Variants in DIP2C observed in about 807,000 individuals in gnomAD.
The protein encoded by DIP2C is DIP2 acetate--CoA ligase C (putative), also known as disco-interacting protein 2 homolog C.
A neutral mutation model predicts 192.4 loss-of-function variants in DIP2C; 33 were observed. That is an observed-to-expected ratio of 0.17 (90% CI 0.13 to 0.23). The LOEUF is 0.23. DIP2C is among the 10% of genes least tolerant of loss of function. The pLI is 1.00. For missense variants in DIP2C, 1,537 were observed against 2,110.1 expected (o/e 0.73, Z 5.32); for synonymous variants, 979 against 864.1 (o/e 1.13, Z -2.33).
At chr10:361,761 G>C (rs992892920) in intron 22 of DIP2C, among the ~76,000 whole-genome samples, 2 of 152,230 alleles carry the variant, frequency 1.3e-5, no homozygotes, top group East Asian at 1.9e-4. Context: ...TTTACGTCCC[G>C]AGGCGGCAGA....
At chr10:610,138 CCA>C (rs372510951) in intron 1 of DIP2C, among the ~76,000 whole-genome samples, 135 of 152,304 alleles carry the variant, frequency 8.9e-4, no homozygotes, top group South Asian at 6.4e-3. Flanking sequence ...CAGTACTCCA[CCA>C]CACAGAGGAG....
rs547993963 is a variant in DIP2C at position 422,740 on chromosome 10, C to T, written c.604+84G>A. On this transcript the variant is annotated intron_variant, in intron 5 of 36. Transcript: ENST00000280886. ...CTGTGCTCTTTCCACCGAGGGATTC[C>T]GCTGCAACGATGCAAACAGAGAATG... 100 of 1,479,602 alleles carry T rather than the reference C, an allele frequency of 6.8e-5. 1 individual carries two copies. The African/African-American group carries it at 8.3e-4, about 12-fold the overall frequency. The allele number at this position is 1,479,602 out of a possible 1,614,324, so 91.7% of individuals were successfully genotyped here.
In DIP2C at chr10:362,494, C is replaced by T. The variant is rs374768619; in HGVS notation, c.2790G>A (p.Gln930=). 1.2e-6 allele frequency: 2 copies of T among 1,613,464 alleles called. No individual in the cohort carries two copies. The highest frequency in any genetic ancestry group is 1.1e-5 in the South Asian group (1 of 90,986). ...VTNLPKPRQK[Q]PEIGPASVMV... ...CTGCCCAAGTGGTGCACATACCTGG[C>T]TGCTTCTGTCGAGGCTTAGGCAAGT... Residue 930 remains glutamine, a synonymous_variant, in exon 22 of 37, where the codon CAG becomes CAA. Transcript: ENST00000280886.
chr10:441,232 G>T, intron 3 of DIP2C: 1 of 471,006 alleles, frequency 2.1e-6, no homozygotes. Context: ...GCAAACACTG[G>T]CTGTAAACTG....
Position 492,129 on chromosome 10 carries a change from G to A in DIP2C, c.86-5599C>T, listed in dbSNP as rs964995512. Among the ~76,000 whole-genome samples, 8 of 152,160 alleles carry A rather than the reference G, an allele frequency of 5.3e-5. 1 individual carries two copies. Among genetic ancestry groups the A allele is most frequent in the South Asian group, 4.1e-4 (2 of 4,828 alleles). ...CCACCATCTAGGGACCCCAGACGCC[G>A]CGGGCCCCCGTGTCGGAGACACTCC... On this transcript the variant is annotated intron_variant, in intron 1 of 36. Coordinates refer to ENST00000280886, the MANE Select transcript of DIP2C (RefSeq NM_014974.3).
intron 1 of DIP2C, among the ~76,000 whole-genome samples, chr10:658,911 A>C (rs1312190856): frequency 6.6e-6 from 1 of 152,226 alleles, no homozygotes; most frequent in Non-Finnish European, 1.5e-5. Context: ...GCCCTCCCAG[A>C]GAGGACTCAC....
chr10:533,275 C>T (rs1030607304), intron 1 of DIP2C, among the ~76,000 whole-genome samples: 61 of 152,214 alleles, frequency 4.0e-4, no homozygotes, highest in African/African-American at 1.2e-3. Flanking sequence ...ATCATCACCA[C>T]CAACACTTTA....
At chr10:587,119 G>T (rs1050186441) in intron 1 of DIP2C, among the ~76,000 whole-genome samples, 2 of 150,840 alleles carry the variant, frequency 1.3e-5, no homozygotes, top group African/African-American at 4.9e-5. Flanking sequence ...AGCGTGGCGA[G>T]GGGCAAACAG....
chr10:369,501 C>A lies in DIP2C; in HGVS notation c.2124G>T (p.Met708Ile). 2 of 1,547,120 alleles carry A rather than the reference C, an allele frequency of 1.3e-6. No individual in the cohort carries two copies. Among genetic ancestry groups the A allele is most frequent in the Non-Finnish European group, 1.7e-6 (2 of 1,143,602 alleles). ...VLTVQDVGLV[M>I]PGAIMCSVKP... is the part of the protein sequence containing the mutation. The stretch of plus-strand genomic sequence containing the variant: ...CTCGCGACCCACACTCACCTCCAGG[C>A]ATCACGAGGCCGACATCCTGCACGG... Residue 708 changes from methionine to isoleucine, a missense_variant, in exon 18 of 37, where the codon ATG becomes ATT. Physicochemically the swap from Met to Ile is conservative, Grantham distance 10. This residue lies in a region of DIP2C where 677 missense variants were observed against 989.9 expected (regional missense o/e 0.68). Transcript: ENST00000280886.
intron 36 of DIP2C, 149 bp downstream of exon 36, chr10:281,051 C>T: frequency 8.6e-7 from 1 of 1,159,308 alleles, no homozygotes; most frequent in Admixed American, 2.3e-5. Context: ...TGCTTTAACC[C>T]CAAAAGATAA....
chr10:573,702 G>GC (rs11446227), intron 1 of DIP2C, among the ~76,000 whole-genome samples: 20,282 of 151,982 alleles, frequency 0.13, 2,264 homozygotes, highest in African/African-American at 0.3. Context: ...GAGCCATCAC[G>GC]CCGGCTTTTT....
intron 17 of DIP2C, among the ~76,000 whole-genome samples, chr10:375,841 T>A (rs1961505661): frequency 6.8e-6 from 1 of 148,118 alleles, no homozygotes; most frequent in Non-Finnish European, 1.5e-5. Context: ...ATTTGCTGAA[T>A]CCCTTAAGCA....
At chr10:464,412 C>T (rs897436478) in intron 3 of DIP2C, among the ~76,000 whole-genome samples, 1 of 151,804 alleles carries the variant, frequency 6.6e-6, no homozygotes. Context: ...CATCACTGGT[C>T]ATTAGAAAAA....
In DIP2C at chr10:363,140, G is replaced by T; in HGVS notation, c.2592+57C>A. The T allele has an allele frequency of 6.7e-7, 1 of 1,494,812 alleles. No individual in the cohort carries two copies. Among genetic ancestry groups the T allele is most frequent in the African/African-American group, 1.4e-5 (1 of 72,570 alleles). The allele number at this position is 1,494,812 out of a possible 1,614,324, so 92.6% of individuals were successfully genotyped here. A position where few individuals can be genotyped will look rare whatever the true frequency, so the allele number is the denominator to read the frequency against. On this transcript the variant is annotated intron_variant, in intron 21 of 36. Transcript: ENST00000280886. The surrounding 1 kb of genome is among the most constrained non-coding windows in gnomAD (Gnocchi z 5.4). Reference sequence around the variant, plus strand: ...CTGGTCACACCATGATCTGAATGAAGTAAGGAGGCCAGAAACAAGACACAG... The same window carrying T: ...CTGGTCACACCATGATCTGAATGAATTAAGGAGGCCAGAAACAAGACACAG...
chr10:614,769 G>A lies in DIP2C; in HGVS notation c.85+74725C>T, dbSNP rs556976295. On this transcript the variant is annotated intron_variant, in intron 1 of 36. Coordinates refer to ENST00000280886, the MANE Select transcript of DIP2C (RefSeq NM_014974.3). ...GCCTCTGGCTACGGGCTCCCTTGCC[G>A]GGTATCGCGGCTCCAGGGAGTAGGT... is the stretch of plus-strand genomic sequence containing the variant. Among the ~76,000 whole-genome samples the A allele has an allele frequency of 1.4e-4, 22 of 152,346 alleles. No homozygotes were observed. The South Asian group carries it at 2.5e-3, about 17-fold the overall frequency.
chr10:356,219 C>A, intron 24 of DIP2C: 1 of 640,628 alleles, frequency 1.6e-6, no homozygotes, highest in Non-Finnish European at 2.8e-6. Flanking sequence ...AATATCTGTA[C>A]ACACAAATAG....
chr10:479,878 G>A (rs924714025), intron 2 of DIP2C, among the ~76,000 whole-genome samples: 5 of 151,206 alleles, frequency 3.3e-5, no homozygotes, highest in South Asian at 2.1e-4. Context: ...GCCGGTTCAC[G>A]CTCACTGGAT....
At chr10:542,435 C>T (rs1297530652) in intron 1 of DIP2C, among the ~76,000 whole-genome samples, 4 of 152,332 alleles carry the variant, frequency 2.6e-5, no homozygotes, top group South Asian at 2.1e-4. Flanking sequence ...CAGAAAGGAA[C>T]GGTGTCAAAG....
At chr10:483,809 C>A (rs998729742) in intron 2 of DIP2C, among the ~76,000 whole-genome samples, 2 of 152,022 alleles carry the variant, frequency 1.3e-5, no homozygotes, top group South Asian at 4.2e-4. Context: ...GCCTCTATGA[C>A]TTCATTTTAC....
Sources: gnomAD v4.1 joint callset for allele counts (sites outside exome capture counted in the v4.1 genomes callset) on GRCh38, gnomAD v4.1.1 for gene constraint, gnomAD v4.1.1 regional missense constraint, Gnocchi (gnomAD v3.1) non-coding constraint, MANE v1.5 for transcripts, NCBI Gene and HGNC (gene_info 2026-07-23, HGNC 2026-07-21) for gene names.